The following FBN2 variants were observed in gnomAD, a reference collection of about 807,000 sequenced individuals.
FBN2 encodes the protein fibrillin 2.
Under a neutral mutation model 355.6 loss-of-function variants are expected in FBN2, and 105 were observed. The observed-to-expected ratio is 0.30, with a 90% confidence interval of 0.25 to 0.35. The LOEUF is 0.35. Ranked by LOEUF, FBN2 falls within the 10% of genes least tolerant of loss-of-function variation. The pLI is 1.00. For synonymous variants in FBN2, 1,350 were observed against 1,301.2 expected (o/e 1.04, Z -0.81); for missense variants, 3,280 against 3,758.7 (o/e 0.87, Z 3.33).
chr5:128,513,616 C>T (rs571516723), intron 5 of FBN2, among the ~76,000 whole-genome samples: 1 of 152,326 alleles, frequency 6.6e-6, no homozygotes, highest in South Asian at 2.1e-4. Flanking sequence ...TCTTATTTTA[C>T]AGATCTAAAC....
intron 33 of FBN2, among the ~76,000 whole-genome samples, chr5:128,329,941 A>T (rs992759803): frequency 7.9e-5 from 12 of 152,240 alleles, no homozygotes; most frequent in Non-Finnish European, 1.6e-4. Context: ...GAATGAATAG[A>T]AGCCAAACAG....
At chr5:128,385,119 C>A (rs543437346) in intron 11 of FBN2, among the ~76,000 whole-genome samples, 9 of 151,992 alleles carry the variant, frequency 5.9e-5, no homozygotes, top group African/African-American at 2.2e-4. Flanking sequence ...GGGAAAATTG[C>A]ATGTCACAGG....
intron 24 of FBN2, among the ~76,000 whole-genome samples, chr5:128,344,723 A>T (rs1330455103): frequency 1.3e-5 from 2 of 149,710 alleles, no homozygotes; most frequent in East Asian, 1.9e-4. Context: ...TTTTTGAGAC[A>T]GAGTTTCACT....
chr5:128,410,618 T>G (rs1007671921), intron 7 of FBN2, among the ~76,000 whole-genome samples: 1 of 152,258 alleles, frequency 6.6e-6, no homozygotes, highest in South Asian at 2.1e-4. Flanking sequence ...ATAAACAACT[T>G]CCCTATGCCC....
chr5:128,449,601 T>A (rs138513815), intron 6 of FBN2, among the ~76,000 whole-genome samples: 35 of 151,266 alleles, frequency 2.3e-4, no homozygotes, highest in Admixed American at 1.4e-3. Context: ...AATACAAGAA[T>A]ATACACTATT....
chr5:128,315,634 C>A (rs1750180700), intron 36 of FBN2, among the ~76,000 whole-genome samples: 1 of 152,194 alleles, frequency 6.6e-6, no homozygotes, highest in Non-Finnish European at 1.5e-5. Context: ...TTCTACATCA[C>A]ATATTTCCTT....
intron 5 of FBN2, among the ~76,000 whole-genome samples, chr5:128,482,540 C>T (rs1016551498): frequency 2.0e-5 from 3 of 152,018 alleles, no homozygotes; most frequent in African/African-American, 4.8e-5. Context: ...ATTCGCAATA[C>T]GAATTTAATT....
At chr5:128,265,037 T>C (rs1215809638) in intron 62 of FBN2, among the ~76,000 whole-genome samples, 2 of 152,230 alleles carry the variant, frequency 1.3e-5, no homozygotes, top group Non-Finnish European at 1.5e-5. Flanking sequence ...ATGCTGATTA[T>C]CTAATATGTG....
chr5:128,298,731 C>T (rs1333265410), intron 48 of FBN2, among the ~76,000 whole-genome samples: 7 of 152,132 alleles, frequency 4.6e-5, no homozygotes, highest in Non-Finnish European at 1.5e-5. Context: ...TCTAGTTATA[C>T]ATTCATCTAA....
chr5:128,332,511 T>C (rs565437439), intron 32 of FBN2, among the ~76,000 whole-genome samples: 18 of 152,298 alleles, frequency 1.2e-4, no homozygotes, highest in South Asian at 2.1e-4. Flanking sequence ...AATAAGATGG[T>C]GGTATTGATG....
At chr5:128,401,591 G>A (rs879781886) in intron 8 of FBN2, among the ~76,000 whole-genome samples, 2 of 152,038 alleles carry the variant, frequency 1.3e-5, no homozygotes, top group Admixed American at 6.5e-5. Flanking sequence ...GACCATCCTG[G>A]CCAACATGGT....
At chr5:128,404,553 C>T (rs191968521) in intron 8 of FBN2, among the ~76,000 whole-genome samples, 101 of 152,354 alleles carry the variant, frequency 6.6e-4, no homozygotes, top group African/African-American at 2.3e-3. Flanking sequence ...GGCTGCAAGG[C>T]CGCTATAATC....
At chr5:128,305,211 C>A in intron 44 of FBN2, 129 bp from the exon 45 acceptor site, 1 of 915,270 alleles carries the variant, frequency 1.1e-6, no homozygotes, top group Non-Finnish European at 1.7e-6. Context: ...ATAACAACAG[C>A]TGAATCAAAA....
chr5:128,502,894 T>C (rs1002987736), intron 5 of FBN2, among the ~76,000 whole-genome samples: 1 of 152,226 alleles, frequency 6.6e-6, no homozygotes, highest in Admixed American at 6.5e-5. Context: ...TCAACATAAA[T>C]TTAGCTTTTA....
At chr5:128,306,089 AT>A in intron 42 of FBN2, 141 bp from the exon 43 acceptor site, 8 of 794,866 alleles carry the variant, frequency 1.0e-5, no homozygotes, top group East Asian at 2.7e-5. Context: ...AGTATAGCTA[AT>A]TTTTTTGGTT....
intron 6 of FBN2, among the ~76,000 whole-genome samples, chr5:128,460,312 C>A (rs1381070843): frequency 1.3e-5 from 2 of 152,036 alleles, no homozygotes; most frequent in African/African-American, 4.8e-5. Flanking sequence ...ATGTGAAAGG[C>A]CTCTTAAAGA....
At chr5:128,280,146 CA>C in intron 56 of FBN2, 45 bp downstream of exon 56, 1 of 1,535,452 alleles carries the variant, frequency 6.5e-7, no homozygotes, top group Non-Finnish European at 9.0e-7. Flanking sequence ...ACATCATGAA[CA>C]GATGTTTTAT....
intron 5 of FBN2, among the ~76,000 whole-genome samples, chr5:128,508,155 G>A (rs1007744354): frequency 2.0e-5 from 3 of 151,822 alleles, no homozygotes; most frequent in African/African-American, 7.2e-5. Context: ...ATCCATTAGT[G>A]TCTTCTATTT....
intron 7 of FBN2, among the ~76,000 whole-genome samples, chr5:128,442,992 A>G (rs1241310295): frequency 1.3e-5 from 2 of 152,238 alleles, no homozygotes. Flanking sequence ...CATTTTTAAT[A>G]AAAACTATAT....
Sources: allele counts gnomAD v4.1 joint callset (sites outside exome capture counted in the v4.1 genomes callset), GRCh38; gene constraint gnomAD v4.1.1; transcripts MANE v1.5; gene names NCBI Gene and HGNC (gene_info 2026-07-23, HGNC 2026-07-21).